EVI5: variants seen among roughly 807,000 people sequenced by gnomAD.
The protein encoded by EVI5 is ecotropic viral integration site 5.
EVI5 carries 73 observed loss-of-function variants against 112.0 expected under a neutral mutation model. That is an observed-to-expected ratio of 0.65 (90% confidence interval 0.54 to 0.79). The LOEUF is 0.79. EVI5 is among the 30% of genes least tolerant of loss of function. EVI5 has a pLI of 0.00. For missense variants in EVI5, 900 were observed against 968.8 expected (o/e 0.93, Z 0.94); for synonymous variants, 305 against 319.9 (o/e 0.95, Z 0.50).
chr1:92,568,598 T>G (rs966742901), intron 18 of EVI5, among the ~76,000 whole-genome samples: 1 of 152,130 alleles, frequency 6.6e-6, no homozygotes, highest in Non-Finnish European at 1.5e-5. Flanking sequence ...TTGGAAGAAC[T>G]GAGAAAATAC....
chr1:92,658,578 G>A lies in EVI5; in HGVS notation c.1392+4141C>T, dbSNP rs139954273. Among the ~76,000 whole-genome samples, 395 of 152,100 alleles carry A rather than the reference G, an allele frequency of 2.6e-3. 1 individual carries two copies. Among genetic ancestry groups the A allele is most frequent in the African/African-American group, 9.2e-3 (382 of 41,512 alleles). Reference sequence around the variant, plus strand: ...TCAAAATACTGATGAAATAAATTGCGGATGACACCAACAAATGGAAAAAAC... The same window carrying A: ...TCAAAATACTGATGAAATAAATTGCAGATGACACCAACAAATGGAAAAAAC... On this transcript the variant is annotated intron_variant, in intron 13 of 19. Transcript: ENST00000684568.
chr1:92,626,460 G>T (rs1655686024), intron 14 of EVI5, among the ~76,000 whole-genome samples: 1 of 152,024 alleles, frequency 6.6e-6, no homozygotes, highest in South Asian at 2.1e-4. Context: ...TCCACTTTTT[G>T]ACTATTATAA....
intron 13 of EVI5, among the ~76,000 whole-genome samples, chr1:92,651,124 G>A (rs917145427): frequency 3.3e-5 from 5 of 152,102 alleles, no homozygotes; most frequent in African/African-American, 4.8e-5. Flanking sequence ...AGCAGTCTTC[G>A]TTTTTCTTGT....
At chr1:92,563,216 T>G (rs1668903437) in intron 19 of EVI5, among the ~76,000 whole-genome samples, 1 of 152,104 alleles carries the variant, frequency 6.6e-6, no homozygotes. Flanking sequence ...TTTTGCAATC[T>G]CAGTAATACC....
chr1:92,608,078 G>A (rs1650860935), intron 16 of EVI5, among the ~76,000 whole-genome samples: 1 of 151,598 alleles, frequency 6.6e-6, no homozygotes, highest in Non-Finnish European at 1.5e-5. Context: ...GTGAACCCAG[G>A]AGGTGGAGCC....
At chr1:92,581,766 TG>T (rs1671969120) in intron 18 of EVI5, among the ~76,000 whole-genome samples, 1 of 95,204 alleles carries the variant, frequency 1.1e-5, no homozygotes, top group Non-Finnish European at 2.1e-5. Context: ...AAGCCATCTT[TG>T]GTGCAACATT....
At chr1:92,555,148 C>G (rs1667488990) in intron 19 of EVI5, among the ~76,000 whole-genome samples, 1 of 152,038 alleles carries the variant, frequency 6.6e-6, no homozygotes, top group Admixed American at 6.6e-5. Context: ...GGATAAAAAC[C>G]CTATTTACTT....
At chr1:92,549,098 T>C (rs1392818117) in intron 19 of EVI5, among the ~76,000 whole-genome samples, 2 of 152,148 alleles carry the variant, frequency 1.3e-5, no homozygotes, top group African/African-American at 4.8e-5. Flanking sequence ...CTTCAAACTA[T>C]ACTACAAGGC....
chr1:92,715,101 G>A (rs550372347), intron 2 of EVI5, among the ~76,000 whole-genome samples: 10 of 152,130 alleles, frequency 6.6e-5, no homozygotes, highest in African/African-American at 2.4e-4. Flanking sequence ...CGCCTCCCAG[G>A]TTCAAACAAT....
At chr1:92,546,815 T>TATG (rs1665794638) in intron 19 of EVI5, among the ~76,000 whole-genome samples, 1 of 152,042 alleles carries the variant, frequency 6.6e-6, no homozygotes, top group Non-Finnish European at 1.5e-5. Flanking sequence ...TAAACACGTA[T>TATG]CACCCAATAC....
At chr1:92,728,014 T>TA (rs1265143996) in intron 2 of EVI5, among the ~76,000 whole-genome samples, 2 of 29,312 alleles carry the variant, frequency 6.8e-5, no homozygotes. Flanking sequence ...AAGTTAAAGA[T>TA]AAACAAAAAA....
At chr1:92,756,200 T>C in intron 1 of EVI5, 1 of 408,384 alleles carries the variant, frequency 2.4e-6, no homozygotes, top group Non-Finnish European at 5.0e-6. Context: ...GTGTAACTCT[T>C]ATCATTAGAA....
chr1:92,619,359 T>C (rs184113728), intron 16 of EVI5, among the ~76,000 whole-genome samples: 5 of 152,176 alleles, frequency 3.3e-5, no homozygotes, highest in African/African-American at 1.2e-4. Context: ...TTTTGGGACT[T>C]TGACTGGCAC....
Position 92,695,337 on chromosome 1 carries a change from T to G in EVI5, c.882A>C (p.Thr294=). 1 of 1,612,030 alleles carries G rather than the reference T, an allele frequency of 6.2e-7. No homozygotes were observed. The highest frequency in any genetic ancestry group is 8.5e-7 in the Non-Finnish European group (1 of 1,178,544). ...FLTTFPLPIA[T]RIFDIFMSEG... ...CAGACATAAAGATATCAAATATCCT[T>G]GTTGCAATTGGTAGTGGAAAAGTTG... Residue 294 remains threonine, a synonymous_variant, in exon 7 of 20, where the codon ACA becomes ACC. Coordinates refer to ENST00000684568, the MANE Select transcript of EVI5 (RefSeq NM_001350197.2).
rs1476603390 is a variant in EVI5 at position 92,576,109 on chromosome 1, A to G, written c.2071-12372T>C. ...AGAAGACATGGGCACTAAAACTTAA[A>G]TATCTGAAGTGAAGGACTCAGAAAA... On this transcript the variant is annotated intron_variant, in intron 18 of 19. Coordinates refer to ENST00000684568, the MANE Select transcript of EVI5 (RefSeq NM_001350197.2). Among the ~76,000 whole-genome samples the G allele has an allele frequency of 3.3e-5, 5 of 152,208 alleles. No homozygotes were observed. The South Asian group carries it at 1.0e-3, about 31-fold the overall frequency.
At chr1:92,614,021 A>T (rs937110763) in intron 16 of EVI5, among the ~76,000 whole-genome samples, 2 of 152,222 alleles carry the variant, frequency 1.3e-5, no homozygotes, top group Non-Finnish European at 2.9e-5. Context: ...ACCTAAAGAC[A>T]CAAAATTCCT....
chr1:92,733,483 T>C (rs1303367226), intron 2 of EVI5, among the ~76,000 whole-genome samples: 1 of 151,734 alleles, frequency 6.6e-6, no homozygotes, highest in African/African-American at 2.4e-5. Flanking sequence ...CTCAGCTAAC[T>C]GCAACCTCCA....
intron 19 of EVI5, among the ~76,000 whole-genome samples, chr1:92,515,261 T>C (rs757516571): frequency 1.3e-5 from 2 of 152,216 alleles, no homozygotes; most frequent in Non-Finnish European, 2.9e-5. Context: ...GAGTTTAGTA[T>C]TGAAAAAATT....
intron 19 of EVI5, among the ~76,000 whole-genome samples, chr1:92,522,631 CAAAAA>C (rs61277173): frequency 1.4e-5 from 1 of 70,510 alleles, no homozygotes; most frequent in African/African-American, 6.4e-5. Flanking sequence ...ACTCCATCTC[CAAAAA>C]AAAAAAAAAA....
Sources: gnomAD v4.1 joint callset for allele counts (sites outside exome capture counted in the v4.1 genomes callset) on GRCh38, gnomAD v4.1.1 for gene constraint, MANE v1.5 for transcripts, NCBI Gene and HGNC (gene_info 2026-07-23, HGNC 2026-07-21) for gene names.